DNAH1: variants seen among roughly 807,000 people sequenced by gnomAD.
DNAH1 encodes axonemal beta dynein heavy chain 1.
A neutral mutation model predicts 484.3 loss-of-function variants in DNAH1; 327 were observed. That is an observed-to-expected ratio of 0.68 (90% CI 0.62 to 0.74). The LOEUF (loss-of-function observed/expected upper bound fraction) is 0.74, where lower values mean the gene tolerates loss of function less well. Among genes scored for constraint, DNAH1 ranks in the 30% least tolerant of loss-of-function variants. The probability of loss-of-function intolerance (pLI) is 0.00; values close to 1 mark genes in which losing one functional copy is unlikely to be tolerated. For missense variants in DNAH1, 5,052 were observed against 5,546.8 expected (o/e 0.91, Z 2.83); for synonymous variants, 2,192 against 2,191.9 (o/e 1.00, Z 0.00).
chr3:52,362,608 T>C lies in DNAH1; in HGVS notation c.5094+107T>C. ...ACAGTTGCTTGGACTCCAGGGACTG[T>C]GATTCCCTATGGTAGCCCCTTAGCC... On this transcript the variant is annotated intron_variant, in intron 31 of 77. Coordinates refer to ENST00000420323, the MANE Select transcript of DNAH1 (RefSeq NM_015512.5). The surrounding 1 kb of genome is among the most constrained non-coding windows in gnomAD (Gnocchi z 5.1). The C allele has an allele frequency of 1.0e-6, 1 of 1,003,126 alleles. No homozygotes were observed. Among genetic ancestry groups the C allele is most frequent in the Non-Finnish European group, 1.5e-6 (1 of 670,740 alleles). 62.1% of individuals were successfully genotyped at this position (1,003,126 alleles called of 1,614,324 possible). A position where few individuals can be genotyped will look rare whatever the true frequency, so the allele number is the denominator to read the frequency against.
rs775730815 is a variant in DNAH1 at position 52,396,681 on chromosome 3, CG to C, written c.11495del (p.Arg3832LeufsTer64). ...GTTCCATGGGAACGCCCTGGAGCGC[CG>C]TAAGTTTGGGCCCCTGGGCTTCAAC... ...CLFHGNALERRKFGPLGFNIP... is the reference protein window; with the variant it reads ...CLFHGNALERXKFGPLGFNIP... On this transcript the variant is annotated frameshift_variant, in exon 72 of 78. Coordinates refer to ENST00000420323, the MANE Select transcript of DNAH1 (RefSeq NM_015512.5). LOFTEE classifies it high-confidence loss of function. 6.2e-7 allele frequency: 1 copy of C among 1,613,720 alleles called. No homozygotes were observed.
At chr3:52,382,959 G>C (rs970065595) in intron 50 of DNAH1, among the ~76,000 whole-genome samples, 3 of 152,190 alleles carry the variant, frequency 2.0e-5, no homozygotes, top group African/African-American at 7.2e-5. Context: ...TCTGCTCCCA[G>C]CCCTGTCCCA....
At chr3:52,323,345 A>G (rs575666607) in intron 2 of DNAH1, among the ~76,000 whole-genome samples, 80 of 152,030 alleles carry the variant, frequency 5.3e-4, no homozygotes, top group African/African-American at 1.9e-3. Context: ...AGAGGGGGGA[A>G]TGACGAGGAG....
Position 52,383,610 on chromosome 3 carries a change from G to C in DNAH1, c.8150+16G>C. 1.9e-6 allele frequency: 3 copies of C among 1,547,590 alleles called. No individual in the cohort carries two copies. The highest frequency in any genetic ancestry group is 2.6e-6 in the Non-Finnish European group (3 of 1,143,006). ...TGTGCATGAGGTACAGGCAGCTGTC[G>C]CCAGGCTGCGCTGGGGCAGCGGAGC... On this transcript the variant is annotated intron_variant, in intron 51 of 77. Transcript: ENST00000420323.
In DNAH1 at chr3:52,389,450, C is replaced by A; in HGVS notation, c.9496-11C>A. ...CATGGTGGGGTGGTCCTGAGTCTGGCATCTCCCCAGGGCCAGTACCGCACG... is the reference window on the plus strand; with the variant it reads ...CATGGTGGGGTGGTCCTGAGTCTGGAATCTCCCCAGGGCCAGTACCGCACG... On this transcript the variant is annotated splice_polypyrimidine_tract_variant and intron_variant, in intron 59 of 77. Coordinates refer to ENST00000420323, the MANE Select transcript of DNAH1 (RefSeq NM_015512.5). 1 of 1,611,344 alleles carries A rather than the reference C, an allele frequency of 6.2e-7. No individual in the cohort carries two copies. The highest frequency in any genetic ancestry group is 8.5e-7 in the Non-Finnish European group (1 of 1,178,902).
At chr3:52,356,290 C>T (rs1206272655) in intron 21 of DNAH1, among the ~76,000 whole-genome samples, 4 of 152,146 alleles carry the variant, frequency 2.6e-5, no homozygotes, top group Non-Finnish European at 5.9e-5. Context: ...TCCCAGGCAC[C>T]GAGTGTTTCC....
intron 36 of DNAH1, 28 bp downstream of exon 36, chr3:52,366,915 AC>A (rs761570819): frequency 1.3e-6 from 2 of 1,585,912 alleles, no homozygotes; most frequent in Non-Finnish European, 1.7e-6. Context: ...CTCACCGGTG[AC>A]CCCCTGCTCC....
rs1578193087 is a variant in DNAH1, at chr3:52,388,462, G to C, written c.9216G>C (p.Arg3072Ser). 1 of 1,612,926 alleles carries C rather than the reference G, an allele frequency of 6.2e-7. No homozygotes were observed. The highest frequency in any genetic ancestry group is 8.5e-7 in the Non-Finnish European group (1 of 1,179,494). The change falls in exon 58 of 78, where the codon AGG (arginine) becomes AGC (serine). Residue 3072 changes from arginine (R) to serine (S), a missense_variant. By Grantham distance (110) the Arg-to-Ser change is moderately radical. This residue lies in a region of DNAH1 where 2,929 missense variants were observed against 3,409.4 expected (regional missense o/e 0.86). Coordinates refer to ENST00000420323, the MANE Select transcript of DNAH1 (RefSeq NM_015512.5). Reference protein sequence around the residue: ...EAQDDLGVTQRILDEAKQRLR... With the variant: ...EAQDDLGVTQSILDEAKQRLR... ...AGGATGACCTGGGGGTGACACAGAG[G>C]ATCCTGGATGAGGCAAAACAGCGCC...
intron 6 of DNAH1, 130 bp from the exon 7 acceptor site, chr3:52,331,018 G>A: frequency 2.6e-6 from 3 of 1,171,402 alleles, no homozygotes; most frequent in Admixed American, 2.8e-5. Context: ...AGCAGAGGGG[G>A]GCATCCCAGC....
In DNAH1 at chr3:52,344,384, C is replaced by T. The variant is rs752752452; in HGVS notation, c.1287-106C>T. On this transcript the variant is annotated intron_variant, in intron 8 of 77. Transcript: ENST00000420323. ...GTGCCCATGAATCCAGAAGGGAAGC[C>T]CTAAATGCGTGTCCCCAGGTCCATG... 4 of 1,399,982 alleles carry T rather than the reference C, an allele frequency of 2.9e-6. No individual in the cohort carries two copies. The Admixed American group carries it at 9.5e-5, about 33-fold the overall frequency. The allele number at this position is 1,399,982 out of a possible 1,614,324, so 86.7% of individuals were successfully genotyped here.
intron 46 of DNAH1, 99 bp from the exon 47 acceptor site, chr3:52,378,503 T>G: frequency 3.1e-6 from 4 of 1,303,094 alleles, no homozygotes; most frequent in East Asian, 2.3e-5. Context: ...AGGGGCTTGG[T>G]GGGGGGCACA....
At chr3:52,313,240 A>C (rs1700850610), upstream of DNAH1, among the ~76,000 whole-genome samples, 1 of 152,222 alleles carries the variant, frequency 6.6e-6, no homozygotes, top group Non-Finnish European at 1.5e-5. Context: ...ATAAACAGGG[A>C]AACTGAGACT....
At chr3:52,342,868 G>A (rs1169003087) in intron 8 of DNAH1, among the ~76,000 whole-genome samples, 1 of 152,238 alleles carries the variant, frequency 6.6e-6, no homozygotes, top group Non-Finnish European at 1.5e-5. Flanking sequence ...TAAATGAAGG[G>A]AGAGAACTGC....
intron 46 of DNAH1, among the ~76,000 whole-genome samples, chr3:52,378,086 T>A (rs1182449788): frequency 6.6e-6 from 1 of 152,076 alleles, no homozygotes; most frequent in Admixed American, 6.5e-5. Flanking sequence ...TTGGATAGTT[T>A]TCAAAGAACA....
At chr3:52,377,322 A>C in intron 46 of DNAH1, among the ~76,000 whole-genome samples, 1 of 150,920 alleles carries the variant, frequency 6.6e-6, no homozygotes, top group Non-Finnish European at 1.5e-5. Flanking sequence ...CCCACAGCTC[A>C]CCTGTCAGGA....
intron 44 of DNAH1, 66 bp downstream of exon 44, chr3:52,373,119 C>A (rs969048213): frequency 2.9e-5 from 44 of 1,507,712 alleles, no homozygotes; most frequent in Non-Finnish European, 3.8e-5. Context: ...ACAGGAGGCA[C>A]AGCACTGAAG....
At position 52,393,885 on chromosome 3, in the gene DNAH1, C is replaced by T. The variant is rs533926454; in HGVS notation, c.10626+400C>T. ...CTGCACTCCAGCCTGGAAGACAGAG[C>T]GATATTCTGTCTCAAAATAAATAAA... On this transcript the variant is annotated intron_variant, in intron 66 of 77. Coordinates refer to ENST00000420323, the MANE Select transcript of DNAH1 (RefSeq NM_015512.5). Among the ~76,000 whole-genome samples the T allele has an allele frequency of 3.9e-5, 6 of 152,274 alleles. No homozygotes were observed. The South Asian group carries it at 6.2e-4, about 16-fold the overall frequency.
chr3:52,393,153 C>A (rs1360771974), intron 65 of DNAH1, 128 bp downstream of exon 65: 61 of 1,413,332 alleles, frequency 4.3e-5, no homozygotes, highest in Non-Finnish European at 5.8e-5. Context: ...ACTCACAATA[C>A]ATAAGAATGC....
rs1131692250 is a variant in DNAH1 at position 52,386,159 on chromosome 3, G to C, written c.8626-1G>C. On this transcript the variant is annotated splice_acceptor_variant, in intron 54 of 77. Coordinates refer to ENST00000420323, the MANE Select transcript of DNAH1 (RefSeq NM_015512.5). LOFTEE classifies it high-confidence loss of function. ...GACATCCCTATGTCTCCCATCCCCA[G>C]GTGGATACGGCCATCGCCGAGGAGA... The C allele has an allele frequency of 6.2e-7, 1 of 1,611,670 alleles. No homozygotes were observed. The highest frequency in any genetic ancestry group is 8.5e-7 in the Non-Finnish European group (1 of 1,178,468).
Sources: allele counts gnomAD v4.1 joint callset (sites outside exome capture counted in the v4.1 genomes callset), GRCh38; gene constraint gnomAD v4.1.1; regional missense constraint gnomAD v4.1.1; non-coding constraint Gnocchi (gnomAD v3.1); transcripts MANE v1.5; gene names NCBI Gene and HGNC (gene_info 2026-07-23, HGNC 2026-07-21).